Variants in DPP6 observed in about 807,000 individuals in gnomAD.
The protein encoded by DPP6 is dipeptidyl peptidase like 6.
DPP6 carries 69 observed loss-of-function variants against 122.6 expected under a neutral mutation model. The observed-to-expected ratio is 0.56, with a 90% CI of 0.46 to 0.69. The LOEUF is 0.69. Ranked by LOEUF, DPP6 falls within the 30% of genes least tolerant of loss-of-function variation. DPP6 has a pLI of 0.00. For synonymous variants in DPP6, 418 were observed against 433.1 expected (o/e 0.97, Z 0.43); for missense variants, 928 against 1,116.9 (o/e 0.83, Z 2.41).
intron 1 of DPP6, among the ~76,000 whole-genome samples, chr7:154,244,951 C>CT (rs745446498): frequency 0.27 from 35,704 of 133,120 alleles, 4,975 homozygotes; most frequent in East Asian, 0.54. Context: ...TCTAAAGGGA[C>CT]TTTTTTTTTT....
At chr7:154,095,937 G>A (rs2150560215) in intron 1 of DPP6, 1 of 137,258 alleles carries the variant, frequency 7.3e-6, no homozygotes, top group African/African-American at 2.7e-5. Flanking sequence ...TTTCACTCTG[G>A]GAGCTGAGTC....
chr7:154,853,681 G>T, intron 16 of DPP6, 99 bp from the exon 17 acceptor site: 1 of 1,514,670 alleles, frequency 6.6e-7, no homozygotes, highest in Non-Finnish European at 8.9e-7. Flanking sequence ...GGCTCCGCAC[G>T]TCTATCTACG....
At chr7:154,652,959 G>A (rs542729864) in intron 6 of DPP6, among the ~76,000 whole-genome samples, 5 of 152,224 alleles carry the variant, frequency 3.3e-5, no homozygotes, top group South Asian at 2.1e-4. Flanking sequence ...AACTGGCTCC[G>A]TTCACGTCCA....
rs374577318 is a variant in DPP6, at chr7:154,446,306, C to T, written c.336C>T (p.Thr112=). The T allele has an allele frequency of 1.9e-5, 30 of 1,611,746 alleles. No individual in the cohort carries two copies. The African/African-American group carries it at 3.9e-4, about 21-fold the overall frequency. Reference sequence around the variant, plus strand: ...TGGTCATCTGCTCCTTGATCGTCACCTCGGTCATACTTCTGACACCAGGTA... The same window carrying T: ...TGGTCATCTGCTCCTTGATCGTCACTTCGGTCATACTTCTGACACCAGGTA... ...VILVICSLIV[T]SVILLTPAED... Residue 112 remains threonine, a synonymous_variant, in exon 2 of 26, where the codon ACC becomes ACT. Transcript: ENST00000377770.
At position 154,872,694 on chromosome 7, in the gene DPP6, G is replaced by A. The variant is rs1199428492; in HGVS notation, c.1883+1G>A. The A allele has an allele frequency of 2.5e-6, 4 of 1,592,330 alleles. No individual in the cohort carries two copies. The highest frequency in any genetic ancestry group is 2.6e-6 in the Non-Finnish European group (3 of 1,169,370). ...CCCACTACCCTCTGCTCCTGGTGGTGTAAGTATCGTCACATCTGTCTTTCC... is the reference window on the plus strand; with the variant it reads ...CCCACTACCCTCTGCTCCTGGTGGTATAAGTATCGTCACATCTGTCTTTCC... On this transcript the variant is annotated splice_donor_variant, in intron 19 of 25. Transcript: ENST00000377770. LOFTEE classifies it high-confidence loss of function.
intron 5 of DPP6, chr7:154,588,138 G>A (rs1017608989): frequency 4.5e-6 from 7 of 1,557,912 alleles, no homozygotes; most frequent in Non-Finnish European, 6.1e-6. Flanking sequence ...CTGGTGGAGA[G>A]AGACACGCTG....
At chr7:153,928,092 A>T (rs1800986533) in intron 1 of DPP6, among the ~76,000 whole-genome samples, 1 of 146,938 alleles carries the variant, frequency 6.8e-6, no homozygotes, top group Admixed American at 6.9e-5. Context: ...AATAAAAGAT[A>T]TCATACACTG....
intron 1 of DPP6, among the ~76,000 whole-genome samples, chr7:154,381,362 T>C (rs1813589997): frequency 6.6e-6 from 1 of 152,206 alleles, no homozygotes; most frequent in Non-Finnish European, 1.5e-5. Flanking sequence ...TCTCAGAATT[T>C]TGGCAATATC....
rs79768825 is a variant in DPP6 at position 154,803,827 on chromosome 7, C to A, written c.1408-37C>A. The A allele has an allele frequency of 5.0e-6, 8 of 1,601,248 alleles. No homozygotes were observed. The East Asian group carries it at 1.6e-4, about 32-fold the overall frequency. On this transcript the variant is annotated intron_variant, in intron 13 of 25. Transcript: ENST00000377770. ...AAGAGCCATGCTGGGGCCGGGACAC[C>A]GGTGTCTGCTCCTGATGCCATGTCT...
At chr7:153,932,673 G>A (rs1168712438) in intron 1 of DPP6, among the ~76,000 whole-genome samples, 1 of 152,090 alleles carries the variant, frequency 6.6e-6, no homozygotes, top group Non-Finnish European at 1.5e-5. Flanking sequence ...CTCCAGACCT[G>A]GGGAAGAAGA....
intron 1 of DPP6, among the ~76,000 whole-genome samples, chr7:154,268,466 G>T (rs879297456): frequency 1.6e-4 from 24 of 152,266 alleles, no homozygotes; most frequent in Admixed American, 3.3e-4. Flanking sequence ...CTCCCTCTGG[G>T]ATTTCCTTTA....
intron 7 of DPP6, among the ~76,000 whole-genome samples, chr7:154,675,009 G>C (rs1028916449): frequency 6.6e-6 from 1 of 152,178 alleles, no homozygotes; most frequent in African/African-American, 2.4e-5. Context: ...ACTTTAAGAA[G>C]AATTGCCTTG....
intron 3 of DPP6, among the ~76,000 whole-genome samples, chr7:154,504,271 G>A (rs1430585279): frequency 6.6e-6 from 1 of 152,176 alleles, no homozygotes; most frequent in Non-Finnish European, 1.5e-5. Context: ...TGGCAGATGT[G>A]TATATTGTAC....
At chr7:154,617,009 C>G (rs942096019) in intron 5 of DPP6, among the ~76,000 whole-genome samples, 1 of 152,216 alleles carries the variant, frequency 6.6e-6, no homozygotes, top group African/African-American at 2.4e-5. Flanking sequence ...CAGCAGTCAG[C>G]CTTCATCACC....
At chr7:154,487,459 A>G (rs1823895692) in intron 3 of DPP6, among the ~76,000 whole-genome samples, 1 of 152,160 alleles carries the variant, frequency 6.6e-6, no homozygotes, top group Non-Finnish European at 1.5e-5. Flanking sequence ...CTCAAAATCA[A>G]AGCCTGGGGC....
At chr7:154,063,087 CG>C (rs1802257095) in intron 1 of DPP6, among the ~76,000 whole-genome samples, 1 of 131,594 alleles carries the variant, frequency 7.6e-6, no homozygotes, top group Non-Finnish European at 1.7e-5. Flanking sequence ...TCCCCTCTTC[CG>C]CCCCTGGCTG....
the DPP6 span, among the ~76,000 whole-genome samples, chr7:153,875,044 CA>C: frequency 1.3e-5 from 2 of 152,060 alleles, no homozygotes; most frequent in Admixed American, 1.3e-4. Flanking sequence ...TTACAACAAA[CA>C]GACAAAATGT....
At chr7:154,404,909 A>T (rs1276604250) in intron 1 of DPP6, among the ~76,000 whole-genome samples, 1 of 152,230 alleles carries the variant, frequency 6.6e-6, no homozygotes, top group African/African-American at 2.4e-5. Context: ...TATGATAGCA[A>T]TTTTTTAGGT....
At chr7:154,517,576 G>A (rs1417796295) in intron 3 of DPP6, among the ~76,000 whole-genome samples, 1 of 152,124 alleles carries the variant, frequency 6.6e-6, no homozygotes, top group African/African-American at 2.4e-5. Context: ...TTGTATGAGA[G>A]TTACTAATGT....
Sources: allele counts gnomAD v4.1 joint callset (sites outside exome capture counted in the v4.1 genomes callset), GRCh38; gene constraint gnomAD v4.1.1; transcripts MANE v1.5; gene names NCBI Gene and HGNC (gene_info 2026-07-23, HGNC 2026-07-21).